TMEM230: variants seen among roughly 807,000 people sequenced by gnomAD.
TMEM230 encodes the protein UPF0414 transmembrane protein C20orf30.
A neutral mutation model predicts 15.8 loss-of-function variants in TMEM230; 10 were observed. That is an observed-to-expected ratio of 0.63 (90% CI 0.39 to 1.07). TMEM230 has a LOEUF of 1.07. Among genes scored for constraint, TMEM230 ranks in the 50% least tolerant of loss-of-function variants. The pLI is 0.01. For synonymous variants in TMEM230, 67 were observed against 76.9 expected (o/e 0.87, Z 0.68); for missense variants, 165 against 193.3 (o/e 0.85, Z 0.87).
intron 3 of TMEM230, among the ~76,000 whole-genome samples, chr20:5,086,538 C>CA (rs542162305): frequency 2.5e-3 from 222 of 88,742 alleles, no homozygotes; most frequent in Admixed American, 3.2e-3. Context: ...GACTCTGTCT[C>CA]AAAAAAAAAA....
chr20:5,085,680 G>A (rs919002372), intron 3 of TMEM230, among the ~76,000 whole-genome samples: 5 of 151,970 alleles, frequency 3.3e-5, no homozygotes, highest in Admixed American at 6.6e-5. Flanking sequence ...TGGGTTTCCT[G>A]TTCTAATCTT....
chr20:5,093,287 G>A (rs1279114002), intron 3 of TMEM230, among the ~76,000 whole-genome samples: 3 of 152,118 alleles, frequency 2.0e-5, no homozygotes, highest in East Asian at 1.9e-4. Context: ...GGTCTATGTC[G>A]CCCAGGCTGG....
intron 3 of TMEM230, among the ~76,000 whole-genome samples, chr20:5,086,857 G>A (rs1015929980): frequency 1.6e-4 from 25 of 151,734 alleles, no homozygotes; most frequent in African/African-American, 4.8e-4. Flanking sequence ...ACACTGCCAC[G>A]CCTGGCTAAT....
At chr20:5,086,115 C>T (rs573502337) in intron 3 of TMEM230, among the ~76,000 whole-genome samples, 189 of 151,950 alleles carry the variant, frequency 1.2e-3, no homozygotes, top group Non-Finnish European at 2.4e-3. Flanking sequence ...TAATATGCAG[C>T]TGGGTGCGGT....
intron 3 of TMEM230, among the ~76,000 whole-genome samples, chr20:5,072,727 T>G (rs2088866870): frequency 6.6e-6 from 1 of 151,584 alleles, no homozygotes; most frequent in Non-Finnish European, 1.5e-5. Context: ...CCGGCACATG[T>G]AGTCCCAGCT....
chr20:5,101,804 G>A (rs1265951210), intron 4 of TMEM230, among the ~76,000 whole-genome samples: 1 of 152,174 alleles, frequency 6.6e-6, no homozygotes, highest in Non-Finnish European at 1.5e-5. Context: ...TGTGGGGACA[G>A]CCCATGAGAA....
intron 3 of TMEM230, 116 bp from the exon 3 acceptor site, chr20:5,106,426 G>A (rs1185228437): frequency 1.5e-6 from 2 of 1,298,978 alleles, no homozygotes; most frequent in Non-Finnish European, 2.0e-6. Context: ...GTTTTGAGAT[G>A]GAGTTTCGTT....
chr20:5,108,231 C>G lies in TMEM230; in HGVS notation c.288+1101G>C, dbSNP rs147231146. 5.1e-3 allele frequency among the ~76,000 whole-genome samples: 783 copies of G among 152,164 alleles called. 26 individuals are homozygous for G. In the East Asian group the frequency reaches 0.097, roughly 19 times the overall value. ...GGTCAGGAGTTCAAGACCAGCCTGA[C>G]CAACATGGAGAAACACTGTCTCTAC... On this transcript the variant is annotated intron_variant, in intron 3 of 4. Coordinates refer to ENST00000342308, the MANE Select transcript of TMEM230 (RefSeq NM_001009923.2).
chr20:5,067,410 CAT>C (rs60791101), downstream of TMEM230: 400 of 101,908 alleles, frequency 3.9e-3, 1 homozygote, highest in Non-Finnish European at 5.1e-3. Context: ...TGTTTAGGCT[CAT>C]ATATATATAT....
intron 3 of TMEM230, among the ~76,000 whole-genome samples, chr20:5,106,872 A>G (rs1426698560): frequency 6.6e-6 from 1 of 151,590 alleles, no homozygotes; most frequent in Non-Finnish European, 1.5e-5. Context: ...TGCCCAGCTA[A>G]TTTTTAAATT....
chr20:5,098,729 A>C (rs895819472), downstream of TMEM230, among the ~76,000 whole-genome samples: 3 of 152,082 alleles, frequency 2.0e-5, no homozygotes, highest in Admixed American at 6.6e-5. Context: ...TAGTATGAAA[A>C]ACTACACTTA....
chr20:5,103,851 G>T (rs184914986), intron 4 of TMEM230, among the ~76,000 whole-genome samples: 10 of 152,118 alleles, frequency 6.6e-5, no homozygotes, highest in African/African-American at 2.2e-4. Flanking sequence ...AGAAAACATG[G>T]GGGAAACTCT....
chr20:5,103,970 C>G (rs1330157390), intron 4 of TMEM230, among the ~76,000 whole-genome samples: 3 of 151,994 alleles, frequency 2.0e-5, no homozygotes, highest in Non-Finnish European at 1.5e-5. Context: ...AGCTTCTGTA[C>G]AGCAAAGGAA....
At chr20:5,084,001 C>A in intron 3 of TMEM230, among the ~76,000 whole-genome samples, 1 of 152,076 alleles carries the variant, frequency 6.6e-6, no homozygotes, top group East Asian at 1.9e-4. Flanking sequence ...GATCCTCACC[C>A]TCCTCCCACT....
At chr20:5,088,650 C>T (rs2089424343) in intron 3 of TMEM230, among the ~76,000 whole-genome samples, 1 of 152,086 alleles carries the variant, frequency 6.6e-6, no homozygotes. Context: ...TATCTGGGAC[C>T]ACTGGCACAT....
intron 1 of TMEM230, chr20:5,112,656 G>C: frequency 1.5e-6 from 2 of 1,341,082 alleles, no homozygotes; most frequent in Non-Finnish European, 9.6e-7. Context: ...CTCAGCACCT[G>C]AATGTTACGA....
At chr20:5,106,859 C>T (rs922828758) in intron 3 of TMEM230, among the ~76,000 whole-genome samples, 3 of 151,978 alleles carry the variant, frequency 2.0e-5, no homozygotes, top group African/African-American at 7.2e-5. Flanking sequence ...GTATACGTCA[C>T]CATGCCCAGC....
downstream of TMEM230, chr20:5,067,856 C>G (rs561088089): frequency 6.6e-6 from 1 of 150,996 alleles, no homozygotes; most frequent in East Asian, 2.0e-4. Flanking sequence ...GCCTCCTGTG[C>G]TCAAGTGATC....
At chr20:5,112,886 G>A (rs1003772274) in intron 1 of TMEM230, 75 bp downstream of exon 1, 10 of 1,547,862 alleles carry the variant, frequency 6.5e-6, no homozygotes, top group South Asian at 4.8e-5. Flanking sequence ...TGATTTCGGC[G>A]GGGAGCGCGG....
Sources: allele counts gnomAD v4.1 joint callset (sites outside exome capture counted in the v4.1 genomes callset), GRCh38; gene constraint gnomAD v4.1.1; transcripts MANE v1.5; gene names NCBI Gene and HGNC (gene_info 2026-07-23, HGNC 2026-07-21).